The following NOM1 variants were observed in gnomAD, a reference collection of about 807,000 sequenced individuals.
NOM1 encodes nucleolar protein with MIF4G domain 1.
A neutral mutation model predicts 73.3 loss-of-function variants in NOM1; 58 were observed. That is an observed-to-expected ratio of 0.79 (90% confidence interval 0.64 to 0.99). NOM1 has a LOEUF of 0.99. Ranked by LOEUF, NOM1 falls within the 50% of genes least tolerant of loss-of-function variation. The pLI, the probability that NOM1 is intolerant of heterozygous loss-of-function variation, is 0.00. For missense variants in NOM1, 1,226 were observed against 1,131.9 expected (o/e 1.08, Z -1.19); for synonymous variants, 487 against 446.8 (o/e 1.09, Z -1.14).
rs555072637 is a variant in NOM1, at chr7:156,949,789, C to T, written c.52C>T (p.Arg18Cys). The T allele has an allele frequency of 8.4e-6, 12 of 1,423,762 alleles. No individual in the cohort carries two copies. The Admixed American group carries it at 2.1e-4, about 25-fold the overall frequency. 88.2% of individuals were successfully genotyped at this position (1,423,762 alleles called of 1,614,324 possible). ...GGCCGGCCCGGGCGGCTCCCAGGGA[C>T]GCGTGGTCCGCATGAAGCGCAGAGG... ...GEAGPGGSQG[R>C]VVRMKRRGGR... is the part of the protein sequence containing the mutation. Residue 18 changes from arginine (R) to cysteine (C), a missense_variant, in exon 1 of 11, where the codon CGC becomes TGC. Transcript: ENST00000275820.
rs115634087 is a variant in NOM1 at position 156,966,040 on chromosome 7, A to G, written c.2034-230A>G. Reference sequence around the variant, plus strand: ...CTTTTGCAGCGACGGGGGACCCCCTAGATGGTCTTGTCTCCTCTGACATTT... The same window carrying G: ...CTTTTGCAGCGACGGGGGACCCCCTGGATGGTCTTGTCTCCTCTGACATTT... On this transcript the variant is annotated intron_variant, in intron 7 of 10. Coordinates refer to ENST00000275820, the MANE Select transcript of NOM1 (RefSeq NM_138400.2). 5.8e-3 allele frequency: 3,203 copies of G among 551,772 alleles called. 75 individuals carry two copies. Among genetic ancestry groups the G allele is most frequent in the African/African-American group, 0.053 (2,799 of 52,732 alleles). The allele number at this position is 551,772 out of a possible 1,614,324, so 34.2% of individuals were successfully genotyped here.
intron 2 of NOM1, 141 bp downstream of exon 2, chr7:156,952,739 A>G (rs1209586678): frequency 2.4e-6 from 2 of 824,078 alleles, no homozygotes; most frequent in Non-Finnish European, 3.7e-6. Flanking sequence ...ATGCACCGAG[A>G]CCCATGAGAC....
rs201457653 is a variant in NOM1 at position 156,963,092 on chromosome 7, T to G, written c.1828T>G (p.Trp610Gly). Residue 610 changes from tryptophan to glycine, a missense_variant, in exon 6 of 11, where the codon TGG becomes GGG. Physicochemically the swap from Trp to Gly is radical, Grantham distance 184 (BLOSUM62 -2). Coordinates refer to ENST00000275820, the MANE Select transcript of NOM1 (RefSeq NM_138400.2). The part of the protein sequence containing the change: ...VLSAEQTGRW[W>G]IVGSAWSGAP... ...GAGTGCGGAGCAGACGGGTCGCTGG[T>G]GGATTGTGGGGTCCGCCTGGAGTGG... 3 of 1,614,168 alleles carry G rather than the reference T, an allele frequency of 1.9e-6. No individual in the cohort carries two copies. In the South Asian group the frequency reaches 3.3e-5, roughly 18 times the overall value.
At chr7:156,966,234 G>A (rs776350646) in intron 7 of NOM1, 36 bp from the exon 8 acceptor site, 36 of 1,609,916 alleles carry the variant, frequency 2.2e-5, no homozygotes, top group Middle Eastern at 1.6e-4. Flanking sequence ...TTTGGAAGTC[G>A]AGTGATGTTC....
At chr7:156,952,718 T>A (rs1804625334) in intron 2 of NOM1, 120 bp downstream of exon 2, 24 of 1,148,270 alleles carry the variant, frequency 2.1e-5, no homozygotes, top group Non-Finnish European at 2.9e-5. Flanking sequence ...ATCCTTTCTG[T>A]TCTTGGCTTG....
chr7:156,957,792 A>AG (rs2017442048), intron 3 of NOM1, among the ~76,000 whole-genome samples: 1 of 151,758 alleles, frequency 6.6e-6, no homozygotes, highest in African/African-American at 2.4e-5. Context: ...AAAAAAAAAA[A>AG]AAAAAAAAGA....
intron 1 of NOM1, among the ~76,000 whole-genome samples, chr7:156,951,814 TCTC>T (rs1464407644): frequency 6.6e-6 from 1 of 151,934 alleles, no homozygotes; most frequent in Non-Finnish European, 1.5e-5. Flanking sequence ...TTCATGCCAT[TCTC>T]CTGCCTCATC....
chr7:156,954,380 G>A, intron 3 of NOM1, 82 bp downstream of exon 3: 1 of 1,205,990 alleles, frequency 8.3e-7, no homozygotes, highest in East Asian at 2.6e-5. Context: ...GTGCGTAATT[G>A]TGTGCTGTGG....
chr7:156,951,057 G>A (rs1315604540), intron 1 of NOM1, among the ~76,000 whole-genome samples: 1 of 152,104 alleles, frequency 6.6e-6, no homozygotes, highest in Non-Finnish European at 1.5e-5. Flanking sequence ...TCGAGTATCC[G>A]AGGACATCTG....
intron 3 of NOM1, 72 bp from the exon 4 acceptor site, chr7:156,959,779 A>G (rs895880781): frequency 1.4e-6 from 2 of 1,407,644 alleles, no homozygotes; most frequent in Non-Finnish European, 9.9e-7. Flanking sequence ...AGAAAGTGCC[A>G]GTTCTGTGTG....
In NOM1 at chr7:156,967,930, C is replaced by G. The variant is rs146637363; in HGVS notation, c.2298+838C>G. On this transcript the variant is annotated intron_variant, in intron 9 of 10. Coordinates refer to ENST00000275820, the MANE Select transcript of NOM1 (RefSeq NM_138400.2). The stretch of plus-strand genomic sequence containing the variant: ...TAGCCAAAAAAAAAAACTGGAGCGC[C>G]TGGGGGGCAAAGGGAAGTGAAAAGC... Among the ~76,000 whole-genome samples, 867 of 152,100 alleles carry G rather than the reference C, an allele frequency of 5.7e-3. 10 individuals carry two copies. Among genetic ancestry groups the G allele is most frequent in the African/African-American group, 0.019 (804 of 41,484 alleles).
rs973419782 is a variant in NOM1, at chr7:156,967,180, C to A, written c.2298+88C>A. Reference sequence around the variant, plus strand: ...GGTAAATCAGGTCCTGTTTTACCAGCGTATTTTCTTCGATTCTGATTCATC... The same window carrying A: ...GGTAAATCAGGTCCTGTTTTACCAGAGTATTTTCTTCGATTCTGATTCATC... On this transcript the variant is annotated intron_variant, in intron 9 of 10. Transcript: ENST00000275820. 7 of 1,448,708 alleles carry A rather than the reference C, an allele frequency of 4.8e-6. No homozygotes were observed. The Admixed American group carries it at 6.6e-5, about 14-fold the overall frequency. 89.7% of individuals were successfully genotyped at this position (1,448,708 alleles called of 1,614,324 possible). A position where few individuals can be genotyped will look rare whatever the true frequency, so the allele number is the denominator to read the frequency against.
At chr7:156,954,360 G>A in intron 3 of NOM1, 62 bp downstream of exon 3, 1 of 1,404,146 alleles carries the variant, frequency 7.1e-7, no homozygotes, top group Middle Eastern at 1.9e-4. Flanking sequence ...TTTAATGATA[G>A]GCTTGATAAG....
intron 1 of NOM1, among the ~76,000 whole-genome samples, chr7:156,951,275 G>A (rs1804585696): frequency 6.6e-6 from 1 of 152,198 alleles, no homozygotes; most frequent in South Asian, 2.1e-4. Flanking sequence ...GCAGGCGCCT[G>A]TAATCCCAGC....
At chr7:156,958,649 C>G (rs1804786337) in intron 3 of NOM1, 1 of 152,226 alleles carries the variant, frequency 6.6e-6, no homozygotes, top group Admixed American at 6.5e-5. Flanking sequence ...CCACACAGAC[C>G]CACATGCAGG....
intron 6 of NOM1, 159 bp downstream of exon 6, chr7:156,963,334 A>G (rs998975611): frequency 2.9e-6 from 2 of 695,674 alleles, no homozygotes; most frequent in East Asian, 2.7e-5. Context: ...TTAATATTAC[A>G]TTGTGATATA....
At chr7:156,956,724 C>T (rs1414127998) in intron 3 of NOM1, among the ~76,000 whole-genome samples, 1 of 152,188 alleles carries the variant, frequency 6.6e-6, no homozygotes, top group Non-Finnish European at 1.5e-5. Context: ...GCACCAGCTG[C>T]TTTGGGAACC....
intron 7 of NOM1, among the ~76,000 whole-genome samples, chr7:156,965,695 C>A (rs1586574782): frequency 1.3e-5 from 2 of 152,228 alleles, no homozygotes; most frequent in South Asian, 4.1e-4. Flanking sequence ...GTGGGTGGAA[C>A]ACCTGAGGTC....
At chr7:156,969,478 C>G (rs556595403) in intron 10 of NOM1, 51 bp from the exon 11 acceptor site, 31 of 1,513,356 alleles carry the variant, frequency 2.0e-5, no homozygotes, top group Middle Eastern at 1.7e-4. Flanking sequence ...GGATTGAGAT[C>G]TAGGAGAGGC....
Sources: allele counts gnomAD v4.1 joint callset (sites outside exome capture counted in the v4.1 genomes callset), GRCh38; gene constraint gnomAD v4.1.1; transcripts MANE v1.5; gene names NCBI Gene and HGNC (gene_info 2026-07-23, HGNC 2026-07-21).